The following ZNF10 variants were observed in gnomAD, a reference collection of about 807,000 sequenced individuals.
ZNF10 encodes zinc finger protein 10 (KOX 1).
In ZNF10, 8 loss-of-function variants were observed where a neutral mutation model predicts 12.2. That is an observed-to-expected ratio of 0.66 (90% CI 0.39 to 1.18). ZNF10 has a LOEUF of 1.18. Ranked by LOEUF, ZNF10 falls within the 50% of genes most tolerant of loss-of-function variation. The pLI is 0.01. For missense variants in ZNF10, 603 were observed against 678.9 expected, an observed-to-expected ratio of 0.89 and a Z score of 1.24; for synonymous variants, 229 against 228.2, an observed-to-expected ratio of 1.00 and a Z score of -0.03.
chr12:133,137,954 A>G (rs2135458055), intron 1 of ZNF10, among the ~76,000 whole-genome samples: 1 of 152,168 alleles, frequency 6.6e-6, no homozygotes, highest in East Asian at 1.9e-4. Context: ...GATTACCTCA[A>G]GAATGGTAGA....
rs190599859 is a variant in ZNF10, at chr12:133,146,787, A to C, written c.33+2262A>C. ...CTTGAACTCAGGGAACAGAGGTTGC[A>C]CTGAGCCGAGATTGTGCCACTTCAC... On this transcript the variant is annotated intron_variant, in intron 2 of 4. Coordinates refer to ENST00000248211, the MANE Select transcript of ZNF10 (RefSeq NM_015394.5). Among the ~76,000 whole-genome samples, 8 of 152,160 alleles carry C rather than the reference A, an allele frequency of 5.3e-5. No individual in the cohort carries two copies. The East Asian group carries it at 1.4e-3, about 26-fold the overall frequency.
chr12:133,138,894 ACT>A (rs1260374541), intron 1 of ZNF10, among the ~76,000 whole-genome samples: 1 of 152,182 alleles, frequency 6.6e-6, no homozygotes, highest in Non-Finnish European at 1.5e-5. Flanking sequence ...TATCCTGCTA[ACT>A]CTGGCATTCT....
chr12:133,156,030 G>C lies in ZNF10; in HGVS notation c.784G>C (p.Glu262Gln), dbSNP rs2135465722. The change falls in exon 5 of 5, where the codon GAG (glutamate) becomes CAG (glutamine). Residue 262 changes from glutamate to glutamine, a missense_variant. Around this residue, in one of 3 missense-constraint regions of ZNF10, gnomAD observed 393 missense variants for 399.7 expected, o/e 0.98. Coordinates refer to ENST00000248211, the MANE Select transcript of ZNF10 (RefSeq NM_015394.5). Reference sequence around the variant, plus strand: ...TGGTATATCAAAGGGCATACATAGAGAGAAACCCTATGAATGTAAGGAATG... The same window carrying C: ...TGGTATATCAAAGGGCATACATAGACAGAAACCCTATGAATGTAAGGAATG... ...SLGISKGIHR[E>Q]KPYECKECGK... 1.2e-6 allele frequency: 2 copies of C among 1,613,762 alleles called. No homozygotes were observed.
chr12:133,133,226 TTTTGCTGATCATACCTTGCCC>T (rs1162270506), intron 1 of ZNF10, among the ~76,000 whole-genome samples: 2 of 152,192 alleles, frequency 1.3e-5, no homozygotes, highest in Admixed American at 6.5e-5. Context: ...GCTGGGTCCT[TTTTGCTGATCATACCTTGCCC>T]TTTGCTGAAG....
At chr12:133,137,916 A>G (rs1955921668) in intron 1 of ZNF10, among the ~76,000 whole-genome samples, 1 of 152,154 alleles carries the variant, frequency 6.6e-6, no homozygotes. Context: ...TTGGCCAGTC[A>G]CATAAAAGGA....
rs201323881 is a variant in ZNF10 at position 133,151,898 on chromosome 12, C to T, written c.250C>T (p.His84Tyr). The T allele has an allele frequency of 6.8e-6, 11 of 1,612,696 alleles. No homozygotes were observed. In the Admixed American group the frequency reaches 1.5e-4, roughly 22 times the overall value. The change falls in exon 4 of 5, where the codon CAT becomes TAT. Residue 84 changes from histidine to tyrosine, a missense_variant. His to Tyr is a moderately conservative substitution (Grantham distance 83). Coordinates refer to ENST00000248211, the MANE Select transcript of ZNF10 (RefSeq NM_015394.5). ...GGAGAGAGAAATTCACCAAGAGACC[C>T]ATCCTGGTGAGGACCAGTCAAGAGT... ...LVEREIHQETHPDSETAFEIK... is the reference protein window; with the variant it reads ...LVEREIHQETYPDSETAFEIK...
intron 1 of ZNF10, among the ~76,000 whole-genome samples, chr12:133,141,916 A>T (rs1044997668): frequency 6.6e-6 from 1 of 152,166 alleles, no homozygotes; most frequent in African/African-American, 2.4e-5. Flanking sequence ...TCAATAAAAG[A>T]GAAAATCTCA....
chr12:133,149,505 A>C (rs763649795), intron 2 of ZNF10, among the ~76,000 whole-genome samples: 30 of 151,204 alleles, frequency 2.0e-4, no homozygotes, highest in Non-Finnish European at 4.4e-4. Flanking sequence ...CTACAGGCAC[A>C]TGCCACCACG....
chr12:133,135,835 T>C (rs112458957), intron 1 of ZNF10, among the ~76,000 whole-genome samples: 4 of 152,274 alleles, frequency 2.6e-5, no homozygotes, highest in African/African-American at 9.6e-5. Context: ...ACTGCACAGT[T>C]TGCCTTTTCT....
intron 1 of ZNF10, among the ~76,000 whole-genome samples, chr12:133,139,018 A>T (rs1411235389): frequency 6.6e-6 from 1 of 152,204 alleles, no homozygotes; most frequent in Non-Finnish European, 1.5e-5. Context: ...CTTTATTGTC[A>T]GCTAAAATTT....
chr12:133,152,282 CCTT>C (rs1322010898), intron 4 of ZNF10, among the ~76,000 whole-genome samples: 1 of 152,178 alleles, frequency 6.6e-6, no homozygotes, highest in Non-Finnish European at 1.5e-5. Flanking sequence ...ACTCTTATCA[CCTT>C]CTTTTCTGAG....
At chr12:133,145,819 A>G (rs944292325) in intron 2 of ZNF10, among the ~76,000 whole-genome samples, 1 of 17,864 alleles carries the variant, frequency 5.6e-5, no homozygotes, top group Non-Finnish European at 1.1e-4. Flanking sequence ...CCCCACCCCC[A>G]CAAAAAGAAA....
intron 2 of ZNF10, among the ~76,000 whole-genome samples, chr12:133,149,124 CATT>C (rs1317148573): frequency 1.4e-5 from 2 of 147,444 alleles, no homozygotes; most frequent in African/African-American, 2.5e-5. Flanking sequence ...GGCAGGGTCT[CATT>C]GTTGCCCAGG....
chr12:133,140,501 A>AT (rs1463623924), intron 1 of ZNF10, among the ~76,000 whole-genome samples: 9 of 148,626 alleles, frequency 6.1e-5, no homozygotes, highest in African/African-American at 2.0e-4. Flanking sequence ...ATACTAACTC[A>AT]TTTAATTCCC....
intron 4 of ZNF10, among the ~76,000 whole-genome samples, chr12:133,153,455 C>A (rs187207572): frequency 3.2e-4 from 49 of 152,228 alleles, no homozygotes; most frequent in South Asian, 1.0e-3. Flanking sequence ...GTGCTCAGCA[C>A]CCCCCTTATC....
chr12:133,150,349 T>G (rs1955999799), intron 2 of ZNF10, among the ~76,000 whole-genome samples: 1 of 152,312 alleles, frequency 6.6e-6, no homozygotes, highest in South Asian at 2.1e-4. Flanking sequence ...GAAATTCTGG[T>G]TTGTCTGTTC....
intron 4 of ZNF10, among the ~76,000 whole-genome samples, chr12:133,152,370 C>G (rs1422787784): frequency 6.6e-6 from 1 of 152,124 alleles, no homozygotes; most frequent in Admixed American, 6.6e-5. Flanking sequence ...CCTTCCTTTC[C>G]AGAATGGCTG....
In ZNF10 at chr12:133,156,400, C is replaced by G; in HGVS notation, c.1154C>G (p.Ser385Cys). The change falls in exon 5 of 5, where the codon TCT (serine) becomes TGT (cysteine). Residue 385 changes from serine (S) to cysteine (C), a missense_variant. Physicochemically the swap from Ser to Cys is moderately radical, Grantham distance 112 (BLOSUM62 -1). This residue lies in a region of ZNF10 where 204 missense variants were observed against 262.8 expected (regional missense o/e 0.78). Transcript: ENST00000248211. Reference sequence around the variant, plus strand: ...TATGAATGTCCTGAATGTGGGAAATCTTTCAGACAGAGCACACATCTCATT... The same window carrying G: ...TATGAATGTCCTGAATGTGGGAAATGTTTCAGACAGAGCACACATCTCATT... Reference protein sequence around the residue: ...KPYECPECGKSFRQSTHLILH... With the variant: ...KPYECPECGKCFRQSTHLILH... 1 of 1,613,966 alleles carries G rather than the reference C, an allele frequency of 6.2e-7. No homozygotes were observed. Among genetic ancestry groups the G allele is most frequent in the Non-Finnish European group, 8.5e-7 (1 of 1,179,954 alleles).
intron 1 of ZNF10, among the ~76,000 whole-genome samples, chr12:133,139,806 G>T (rs1314933938): frequency 1.3e-5 from 2 of 152,078 alleles, no homozygotes; most frequent in Non-Finnish European, 2.9e-5. Context: ...ACTTTGAGAG[G>T]CCCAGCACTT....
Sources: gnomAD v4.1 joint callset for allele counts (sites outside exome capture counted in the v4.1 genomes callset) on GRCh38, gnomAD v4.1.1 for gene constraint, gnomAD v4.1.1 regional missense constraint, MANE v1.5 for transcripts, NCBI Gene and HGNC (gene_info 2026-07-23, HGNC 2026-07-21) for gene names.